RBP3: variants seen among roughly 807,000 people sequenced by gnomAD.
RBP3 encodes retinol binding protein 3.
A neutral mutation model predicts 64.8 loss-of-function variants in RBP3; 50 were observed. The ratio of observed to expected loss-of-function variants is 0.77; its 90% CI spans 0.61 to 0.98. The LOEUF (loss-of-function observed/expected upper bound fraction) is 0.98, where lower values mean the gene tolerates loss of function less well. Ranked by LOEUF, RBP3 falls within the 50% of genes least tolerant of loss-of-function variation. The pLI is 0.00. For synonymous variants in RBP3, 828 were observed against 730.2 expected, an observed-to-expected ratio of 1.13 and a Z score of -2.16; for missense variants, 1,712 against 1,660.5, an observed-to-expected ratio of 1.03 and a Z score of -0.54.
chr10:47,351,950 G>T (rs1175554342), intron 1 of RBP3, among the ~76,000 whole-genome samples: 3 of 152,176 alleles, frequency 2.0e-5, no homozygotes, highest in Non-Finnish European at 4.4e-5. Context: ...CTAGGGAAGA[G>T]GCCAACACCT....
At position 47,357,533 on chromosome 10, in the gene RBP3, C is replaced by T; in HGVS notation, c.*76C>T. 1 of 1,407,642 alleles carries T rather than the reference C, an allele frequency of 7.1e-7. No homozygotes were observed. The highest frequency in any genetic ancestry group is 2.5e-5 in the East Asian group (1 of 40,250). 87.2% of individuals were successfully genotyped at this position (1,407,642 alleles called of 1,614,324 possible). On this transcript the variant is annotated 3_prime_UTR_variant, in exon 4 of 4. Coordinates refer to ENST00000584701, the MANE Select transcript of RBP3 (RefSeq NM_002900.3). ...ACACCAAGGGCACTCCTGCAGGTGG[C>T]CCGGCCTGAGGTTCCCAGGAGCAGC...
In RBP3 at chr10:47,348,416, G is replaced by T. The variant is rs1181574218; in HGVS notation, c.-69G>T. 1.3e-6 allele frequency: 2 copies of T among 1,548,894 alleles called. No individual in the cohort carries two copies. The highest frequency in any genetic ancestry group is 1.7e-6 in the Non-Finnish European group (2 of 1,147,080). ...CAAGGGCGGAAGGCAGCTGCACAGA[G>T]CAGGGCCACGGCCTTGCACACAGTC... On this transcript the variant is annotated 5_prime_UTR_variant, in exon 1 of 4. Coordinates refer to ENST00000584701, the MANE Select transcript of RBP3 (RefSeq NM_002900.3).
At position 47,350,148 on chromosome 10, in the gene RBP3, T is replaced by C; in HGVS notation, c.1664T>C (p.Leu555Pro). 1 of 1,612,832 alleles carries C rather than the reference T, an allele frequency of 6.2e-7. No homozygotes were observed. The highest frequency in any genetic ancestry group is 8.5e-7 in the Non-Finnish European group (1 of 1,180,000). The change falls in exon 1 of 4, where the codon CTT (leucine) becomes CCT (proline). Residue 555 changes from leucine to proline, a missense_variant. Physicochemically the swap from Leu to Pro is moderately conservative, Grantham distance 98 (BLOSUM62 -3). Transcript: ENST00000584701. Reference sequence around the variant, plus strand: ...ACGGCCGCGGAGGAGTTCGCCTTCCTTATGCAGTCGCTGGGCTGGGCCACA... The same window carrying C: ...ACGGCCGCGGAGGAGTTCGCCTTCCCTATGCAGTCGCTGGGCTGGGCCACA... The part of the protein sequence containing the change: ...TATAAEEFAF[L>P]MQSLGWATLV...
At chr10:47,356,447 AGATGTGCTGGAAGTGT>A (rs1357966054) in intron 3 of RBP3, among the ~76,000 whole-genome samples, 1 of 152,154 alleles carries the variant, frequency 6.6e-6, no homozygotes, top group Non-Finnish European at 1.5e-5. Flanking sequence ...TCCCAAGTTG[AGATGTGCTGGAAGTGT>A]GATGTGCTGG....
intron 3 of RBP3, among the ~76,000 whole-genome samples, chr10:47,356,258 CAAT>C (rs1436057271): frequency 6.6e-6 from 1 of 152,078 alleles, no homozygotes; most frequent in African/African-American, 2.4e-5. Flanking sequence ...GACATACGTT[CAAT>C]AATATTACAA....
chr10:47,351,248 G>T lies in RBP3; in HGVS notation c.2764G>T (p.Glu922Ter). 6.2e-7 allele frequency: 1 copy of T among 1,613,374 alleles called. No individual in the cohort carries two copies. The highest frequency in any genetic ancestry group is 8.5e-7 in the Non-Finnish European group (1 of 1,180,050). Reference sequence around the variant, plus strand: ...GCCCGACATCACTGTGCCCATGAGCGAAGCCCTTTCCATAGCCCAGGACAT... The same window carrying T: ...GCCCGACATCACTGTGCCCATGAGCTAAGCCCTTTCCATAGCCCAGGACAT... The part of the protein sequence containing the change: ...VEPDITVPMS[E>*]ALSIAQDIVA... The change falls in exon 1 of 4, where the codon GAA (glutamate) becomes TAA (stop). Residue 922 changes from glutamate (E) to a stop codon, truncating the protein, a stop_gained. Coordinates refer to ENST00000584701, the MANE Select transcript of RBP3 (RefSeq NM_002900.3). LOFTEE classifies it high-confidence loss of function.
At chr10:47,356,941 A>G (rs2132258931) in intron 3 of RBP3, among the ~76,000 whole-genome samples, 161 bp from the exon 4 acceptor site, 1 of 152,310 alleles carries the variant, frequency 6.6e-6, no homozygotes, top group South Asian at 2.1e-4. Context: ...CGGATGCAGA[A>G]ATCAAGGCTC....
chr10:47,355,478 T>G lies in RBP3; in HGVS notation c.3348T>G (p.Asp1116Glu). 6.2e-7 allele frequency: 1 copy of G among 1,614,238 alleles called. No homozygotes were observed. The highest frequency in any genetic ancestry group is 8.5e-7 in the Non-Finnish European group (1 of 1,180,042). Residue 1116 changes from aspartate to glutamate, a missense_variant, in exon 3 of 4, where the codon GAT becomes GAG. Physicochemically the swap from Asp to Glu is conservative, Grantham distance 45. Coordinates refer to ENST00000584701, the MANE Select transcript of RBP3 (RefSeq NM_002900.3). ...TGGACAAGATCTACAGCCGGCCTGA[T>G]GACTCTGTCAGTGAACTCTGGACAC... ...VLLDKIYSRP[D>E]DSVSELWTHA... is the part of the protein sequence containing the mutation.
At chr10:47,355,249 A>T in intron 2 of RBP3, 127 bp from the exon 3 acceptor site, 1 of 1,059,042 alleles carries the variant, frequency 9.4e-7, no homozygotes, top group Non-Finnish European at 1.4e-6. Flanking sequence ...AAGGAGGAAG[A>T]GGCACTAGAC....
At position 47,350,264 on chromosome 10, in the gene RBP3, C is replaced by G. The variant is rs782594138; in HGVS notation, c.1780C>G (p.Pro594Ala). ...CGAAGGCAGCCTCGCGCTCACCGTG[C>G]CGGTCCTCACCTTCATCGACAATCA... Reference protein sequence around the residue: ...TPEGSLALTVPVLTFIDNHGE... With the variant: ...TPEGSLALTVAVLTFIDNHGE... The change falls in exon 1 of 4, where the codon CCG (proline) becomes GCG (alanine). Residue 594 changes from proline (P) to alanine (A), a missense_variant. By Grantham distance (27) the Pro-to-Ala change is conservative. Coordinates refer to ENST00000584701, the MANE Select transcript of RBP3 (RefSeq NM_002900.3). The G allele has an allele frequency of 6.2e-6, 10 of 1,607,364 alleles. No homozygotes were observed. Among genetic ancestry groups the G allele is most frequent in the Non-Finnish European group, 8.5e-6 (10 of 1,179,936 alleles).
Position 47,350,397 on chromosome 10 carries a change from C to G in RBP3, c.1913C>G (p.Ala638Gly). The change falls in exon 1 of 4, where the codon GCC (alanine) becomes GGC (glycine). Residue 638 changes from alanine (A) to glycine (G), a missense_variant. Ala to Gly is a moderately conservative substitution (Grantham distance 60). Transcript: ENST00000584701. ...CTGGAGTTCCACCAAAGCCTGGGGGCCTTGGTGGAGGGCACAGGGCACCTG... is the reference window on the plus strand; with the variant it reads ...CTGGAGTTCCACCAAAGCCTGGGGGGCTTGGTGGAGGGCACAGGGCACCTG... Reference protein sequence around the residue: ...EVLEFHQSLGALVEGTGHLLE... With the variant: ...EVLEFHQSLGGLVEGTGHLLE... The G allele has an allele frequency of 6.2e-7, 1 of 1,612,398 alleles. No individual in the cohort carries two copies. Among genetic ancestry groups the G allele is most frequent in the African/African-American group, 1.3e-5 (1 of 75,064 alleles).
chr10:47,350,014 T>G lies in RBP3; in HGVS notation c.1530T>G (p.Tyr510Ter). Residue 510 changes from tyrosine (Y) to a stop codon, truncating the protein, a stop_gained, in exon 1 of 4, where the codon TAT becomes TAG. Coordinates refer to ENST00000584701, the MANE Select transcript of RBP3 (RefSeq NM_002900.3). LOFTEE classifies it high-confidence loss of function. The stretch of plus-strand genomic sequence containing the variant: ...GCCCCGTGCACCTCTTCACCACCTA[T>G]GATCGCCGCACCAACATCACGCAGG... Reference protein sequence around the residue: ...EAGPVHLFTTYDRRTNITQEH... With the variant: ...EAGPVHLFTT The G allele has an allele frequency of 6.2e-7, 1 of 1,613,034 alleles. No individual in the cohort carries two copies. Among genetic ancestry groups the G allele is most frequent in the Non-Finnish European group, 8.5e-7 (1 of 1,179,962 alleles).
In RBP3 at chr10:47,350,855, A is replaced by C; in HGVS notation, c.2371A>C (p.Thr791Pro). 6.2e-7 allele frequency: 1 copy of C among 1,612,830 alleles called. No individual in the cohort carries two copies. The highest frequency in any genetic ancestry group is 8.5e-7 in the Non-Finnish European group (1 of 1,179,982). ...GCGCTACAACCCTGGCAGCTACTCC[A>C]CGGCCATCCCGCTGCTCTGCTCCTA... is the stretch of plus-strand genomic sequence containing the variant. Reference protein sequence around the residue: ...DLRYNPGSYSTAIPLLCSYFF... With the variant: ...DLRYNPGSYSPAIPLLCSYFF... Residue 791 changes from threonine to proline, a missense_variant, in exon 1 of 4, where the codon ACG becomes CCG. Transcript: ENST00000584701.
chr10:47,350,596 C>T lies in RBP3; in HGVS notation c.2112C>T (p.Ser704=), dbSNP rs1172385865. 6.2e-7 allele frequency: 1 copy of T among 1,612,854 alleles called. No individual in the cohort carries two copies. ...SGDHRLLVFH[S]PGELVVEEAP... ...ACCACCGCTTGCTAGTGTTCCACAG[C>T]CCTGGCGAGCTGGTGGTAGAGGAAG... The change falls in exon 1 of 4, where the codon AGC becomes AGT. Residue 704 remains serine (S), a synonymous_variant. Transcript: ENST00000584701.
In RBP3 at chr10:47,351,443, G is replaced by A; in HGVS notation, c.2959G>A (p.Ala987Thr). The change falls in exon 1 of 4, where the codon GCT becomes ACT. Residue 987 changes from alanine to threonine, a missense_variant. Coordinates refer to ENST00000584701, the MANE Select transcript of RBP3 (RefSeq NM_002900.3). ...SEVALAEILG[A>T]DLQMLSGDPH... The stretch of plus-strand genomic sequence containing the variant: ...AGTGGCCCTAGCCGAGATCCTGGGG[G>A]CTGACCTGCAGATGCTCTCCGGAGA... The A allele has an allele frequency of 1.2e-6, 2 of 1,613,796 alleles. No individual in the cohort carries two copies. Among genetic ancestry groups the A allele is most frequent in the Non-Finnish European group, 1.7e-6 (2 of 1,180,034 alleles).
At chr10:47,351,602 A>C in intron 1 of RBP3, 64 bp downstream of exon 1, 1 of 1,586,382 alleles carries the variant, frequency 6.3e-7, no homozygotes, top group Admixed American at 1.7e-5. Flanking sequence ...TTGTCCGCAC[A>C]TGCAGGGCTC....
At chr10:47,353,946 G>A (rs1837014222) in intron 2 of RBP3, among the ~76,000 whole-genome samples, 1 of 152,220 alleles carries the variant, frequency 6.6e-6, no homozygotes. Flanking sequence ...GTGTGAGACA[G>A]CCAGGCCCCC....
intron 3 of RBP3, 147 bp from the exon 4 acceptor site, chr10:47,356,955 G>T (rs935368262): frequency 1.8e-5 from 12 of 656,668 alleles, no homozygotes; most frequent in Non-Finnish European, 3.1e-5. Flanking sequence ...AAGGCTCAGA[G>T]AAGTCAAGTG....
chr10:47,350,087 C>T lies in RBP3; in HGVS notation c.1603C>T (p.Arg535Cys), dbSNP rs143632019. The change falls in exon 1 of 4, where the codon CGT becomes TGT. Residue 535 changes from arginine to cysteine, a missense_variant. Transcript: ENST00000584701. ...CCCGGGCCCACGCTACAGCACCCAA[C>T]GTGGGGTGTATCTGCTCACCAGCCA... ...ELPGPRYSTQ[R>C]GVYLLTSHRT... 273 of 1,612,932 alleles carry T rather than the reference C, an allele frequency of 1.7e-4. No individual in the cohort carries two copies. Among genetic ancestry groups the T allele is most frequent in the East Asian group, 2.9e-4 (13 of 44,884 alleles).
Sources: allele counts gnomAD v4.1 joint callset (sites outside exome capture counted in the v4.1 genomes callset), GRCh38; gene constraint gnomAD v4.1.1; transcripts MANE v1.5; gene names NCBI Gene and HGNC (gene_info 2026-07-23, HGNC 2026-07-21).